ZNF264: variants seen among roughly 807,000 people sequenced by gnomAD.
ZNF264 encodes the protein zinc finger protein 264.
A neutral mutation model predicts 11.2 loss-of-function variants in ZNF264; 11 were observed. That is an observed-to-expected ratio of 0.98 (90% CI 0.62 to 1.63). The LOEUF is 1.63. Ranked by LOEUF, ZNF264 falls within the 40% of genes most tolerant of loss-of-function variation. The pLI is 0.00. For missense variants in ZNF264, 752 were observed against 768.1 expected (o/e 0.98, Z 0.25); for synonymous variants, 309 against 279.8 (o/e 1.10, Z -1.04).
At chr19:57,195,642 C>T (rs2087206662) in intron 2 of ZNF264, among the ~76,000 whole-genome samples, 1 of 151,824 alleles carries the variant, frequency 6.6e-6, no homozygotes, top group Non-Finnish European at 1.5e-5. Context: ...CCTAATGGAT[C>T]TTCTGTATTC....
At chr19:57,204,116 T>G (rs893968596) in intron 2 of ZNF264, among the ~76,000 whole-genome samples, 10 of 150,600 alleles carry the variant, frequency 6.6e-5, no homozygotes, top group African/African-American at 2.5e-4. Context: ...GAACCCGGGC[T>G]GAGGCAGGAG....
chr19:57,192,275 G>A (rs961575276), intron 1 of ZNF264: 2 of 949,512 alleles, frequency 2.1e-6, no homozygotes, highest in South Asian at 9.7e-5. Context: ...GTAGCAAGCC[G>A]ACAAATGCGC....
chr19:57,198,426 A>T (rs1454622734), intron 2 of ZNF264, among the ~76,000 whole-genome samples: 1 of 151,888 alleles, frequency 6.6e-6, no homozygotes, highest in Non-Finnish European at 1.5e-5. Context: ...TTTTTGATTT[A>T]CTATTTTTCT....
Position 57,216,032 on chromosome 19 carries a change from C to G in ZNF264, c.*3051C>G, listed in dbSNP as rs1368234373. ...CTTGCTGATTTTCTGTCCAGCATTTCTGTCAGTTGCTGAGAGGGGTGTTGA... is the reference window on the plus strand; with the variant it reads ...CTTGCTGATTTTCTGTCCAGCATTTGTGTCAGTTGCTGAGAGGGGTGTTGA... On this transcript the variant is annotated 3_prime_UTR_variant, in exon 4 of 4. Coordinates refer to ENST00000263095, the MANE Select transcript of ZNF264 (RefSeq NM_003417.5). 1 of 152,322 alleles carries G rather than the reference C, an allele frequency of 6.6e-6. No individual in the cohort carries two copies. The highest frequency in any genetic ancestry group is 1.5e-5 in the Non-Finnish European group (1 of 68,118). 9.4% of individuals were successfully genotyped at this position (152,322 alleles called of 1,614,324 possible). A position where few individuals can be genotyped will look rare whatever the true frequency, so the allele number is the denominator to read the frequency against.
chr19:57,193,239 A>G (rs962857141), intron 1 of ZNF264, among the ~76,000 whole-genome samples: 3 of 152,206 alleles, frequency 2.0e-5, no homozygotes, highest in African/African-American at 7.2e-5. Context: ...CTTCCTTAGC[A>G]TGAAGTCATT....
At position 57,221,959 on chromosome 19, in the gene ZNF264, A is replaced by G. The variant is rs1309825809; in HGVS notation, c.*8978A>G. 6.6e-6 allele frequency: 1 copy of G among 152,208 alleles called. No individual in the cohort carries two copies. 9.4% of individuals were successfully genotyped at this position (152,208 alleles called of 1,614,324 possible). On this transcript the variant is annotated 3_prime_UTR_variant, in exon 4 of 4. Transcript: ENST00000263095. ...TGTTTTATACAGTGACTTAAGTGGT[A>G]CTAAAATGCTATATAAGTCAAATTT...
At chr19:57,197,060 C>T (rs1436934427) in intron 2 of ZNF264, among the ~76,000 whole-genome samples, 1 of 151,852 alleles carries the variant, frequency 6.6e-6, no homozygotes, top group Non-Finnish European at 1.5e-5. Context: ...CATACAGAAC[C>T]ATCTGTGAAC....
At chr19:57,196,349 G>A (rs555922287) in intron 2 of ZNF264, among the ~76,000 whole-genome samples, 10 of 152,130 alleles carry the variant, frequency 6.6e-5, no homozygotes, top group Non-Finnish European at 1.2e-4. Flanking sequence ...CATATCCAGA[G>A]TAAGTGTCTA....
rs917453012 is a variant in ZNF264 at position 57,212,550 on chromosome 19, T to C, written c.1453T>C (p.Cys485Arg). The change falls in exon 4 of 4, where the codon TGC (cysteine) becomes CGC (arginine). Residue 485 changes from cysteine to arginine, a missense_variant. Coordinates refer to ENST00000263095, the MANE Select transcript of ZNF264 (RefSeq NM_003417.5). ...SIHTGEKPYE[C>R]VECGKAFTRM... ...CCACACTGGAGAGAAGCCCTATGAG[T>C]GCGTGGAGTGTGGAAAGGCCTTCAC... The C allele has an allele frequency of 2.5e-6, 4 of 1,613,972 alleles. No homozygotes were observed. Among genetic ancestry groups the C allele is most frequent in the East Asian group, 2.2e-5 (1 of 44,884 alleles).
At chr19:57,209,720 AG>A (rs1221641791) in intron 3 of ZNF264, among the ~76,000 whole-genome samples, 2 of 152,158 alleles carry the variant, frequency 1.3e-5, no homozygotes. Context: ...GGGACTACAC[AG>A]GCTTGCACCA....
chr19:57,212,786 G>C lies in ZNF264; in HGVS notation c.1689G>C (p.Gly563=). 1 of 1,614,072 alleles carries C rather than the reference G, an allele frequency of 6.2e-7. No individual in the cohort carries two copies. Among genetic ancestry groups the C allele is most frequent in the Non-Finnish European group, 8.5e-7 (1 of 1,179,926 alleles). Residue 563 remains glycine (G), a synonymous_variant, in exon 4 of 4, where the codon GGG becomes GGC. Coordinates refer to ENST00000263095, the MANE Select transcript of ZNF264 (RefSeq NM_003417.5). ...SLTQHQRMHT[G]KNPISVTDVG... is the part of the protein sequence containing the mutation. ...CTCAGCATCAAAGGATGCATACTGG[G>C]AAAAATCCCATCAGTGTAACAGATG...
intron 1 of ZNF264, chr19:57,193,590 C>T (rs1167206201): frequency 2.1e-6 from 2 of 969,524 alleles, no homozygotes; most frequent in Non-Finnish European, 2.5e-6. Context: ...CCCCATTTCC[C>T]TGTCGTTTTA....
rs185711861 is a variant in ZNF264, at chr19:57,216,930, T to C, written c.*3949T>C. ...TTTTTAGTATAGATCCTCCTTGACT[T>C]ATGATGGGGTTATGTCACAATAAAC... On this transcript the variant is annotated 3_prime_UTR_variant, in exon 4 of 4. Coordinates refer to ENST00000263095, the MANE Select transcript of ZNF264 (RefSeq NM_003417.5). 1 of 152,146 alleles carries C rather than the reference T, an allele frequency of 6.6e-6. No individual in the cohort carries two copies. The highest frequency in any genetic ancestry group is 1.9e-4 in the East Asian group (1 of 5,184). The allele number at this position is 152,146 out of a possible 1,614,324, so 9.4% of individuals were successfully genotyped here.
intron 2 of ZNF264, among the ~76,000 whole-genome samples, chr19:57,197,442 A>G (rs2087220013): frequency 6.6e-6 from 1 of 151,872 alleles, no homozygotes; most frequent in Non-Finnish European, 1.5e-5. Flanking sequence ...CCAAAATCCT[A>G]GAGGCCTTCG....
In ZNF264 at chr19:57,191,873, GGGCTCCTC is replaced by G. The variant is rs2087175403; in HGVS notation, c.-40_-33del. 1 of 1,324,164 alleles carries G rather than the reference GGGCTCCTC, an allele frequency of 7.6e-7. No individual in the cohort carries two copies. Among genetic ancestry groups the G allele is most frequent in the Non-Finnish European group, 9.7e-7 (1 of 1,035,124 alleles). The allele number at this position is 1,324,164 out of a possible 1,614,324, so 82.0% of individuals were successfully genotyped here. ...CAGGTGGGGTCCGTCAGGCCGCCCG[GGGCTCCTC>G]TGTCCCAGCTCTGCGGCCCAGGGGG... On this transcript the variant is annotated 5_prime_UTR_variant, in exon 1 of 4. Coordinates refer to ENST00000263095, the MANE Select transcript of ZNF264 (RefSeq NM_003417.5).
rs376646616 is a variant in ZNF264 at position 57,201,881 on chromosome 19, C to T, written c.161-3516C>T. Among the ~76,000 whole-genome samples, 121 of 151,864 alleles carry T rather than the reference C, an allele frequency of 8.0e-4. 3 individuals carry two copies. Among genetic ancestry groups the T allele is most frequent in the African/African-American group, 2.4e-3 (100 of 41,190 alleles). On this transcript the variant is annotated intron_variant, in intron 2 of 3. Coordinates refer to ENST00000263095, the MANE Select transcript of ZNF264 (RefSeq NM_003417.5). The stretch of plus-strand genomic sequence containing the variant: ...AGCTGATCTTCAGCCTTCCCATGAG[C>T]GCAGAGTCAGCCTGCTGGGTGCACC...
rs2087384116 is a variant in ZNF264 at position 57,216,902 on chromosome 19, T to C, written c.*3921T>C. ...ATAATTTGATTTGATACATATGTAG[T>C]GTTTTTTAGTATAGATCCTCCTTGA... On this transcript the variant is annotated 3_prime_UTR_variant, in exon 4 of 4. Coordinates refer to ENST00000263095, the MANE Select transcript of ZNF264 (RefSeq NM_003417.5). The C allele has an allele frequency of 6.6e-6, 1 of 151,948 alleles. No individual in the cohort carries two copies. The highest frequency in any genetic ancestry group is 1.5e-5 in the Non-Finnish European group (1 of 68,006). 9.4% of individuals were successfully genotyped at this position (151,948 alleles called of 1,614,324 possible).
rs544931435 is a variant in ZNF264, at chr19:57,218,036, A to C, written c.*5055A>C. ...AAACTCCTGACCTTGTGATCCGCCA[A>C]CCTTGGCCTGTCGACCTCTTTACCC... is the stretch of plus-strand genomic sequence containing the variant. On this transcript the variant is annotated 3_prime_UTR_variant, in exon 4 of 4. Coordinates refer to ENST00000263095, the MANE Select transcript of ZNF264 (RefSeq NM_003417.5). The C allele has an allele frequency of 6.6e-6, 1 of 152,206 alleles. No homozygotes were observed. The highest frequency in any genetic ancestry group is 2.4e-5 in the African/African-American group (1 of 41,516). 9.4% of individuals were successfully genotyped at this position (152,206 alleles called of 1,614,324 possible).
chr19:57,195,714 G>C (rs1335865803), intron 2 of ZNF264, among the ~76,000 whole-genome samples: 1 of 151,764 alleles, frequency 6.6e-6, no homozygotes, highest in East Asian at 1.9e-4. Context: ...TGATAGTCTG[G>C]GTCATTCATC....
Sources: allele counts gnomAD v4.1 joint callset (sites outside exome capture counted in the v4.1 genomes callset), GRCh38; gene constraint gnomAD v4.1.1; transcripts MANE v1.5; gene names NCBI Gene and HGNC (gene_info 2026-07-23, HGNC 2026-07-21).